ULK4: variants seen among roughly 807,000 people sequenced by gnomAD.
ULK4 encodes the protein unc-51 like kinase 4.
ULK4 carries 133 observed loss-of-function variants against 160.6 expected under a neutral mutation model. The observed-to-expected ratio is 0.83, with a 90% confidence interval of 0.72 to 0.96. The LOEUF (loss-of-function observed/expected upper bound fraction) is 0.96. Among genes scored for constraint, ULK4 ranks in the 40% least tolerant of loss-of-function variants. ULK4 has a pLI of 0.00. For missense variants in ULK4, 1,580 were observed against 1,499.5 expected, an observed-to-expected ratio of 1.05 and a Z score of -0.89; for synonymous variants, 534 against 539.8, an observed-to-expected ratio of 0.99 and a Z score of 0.15.
At chr3:41,850,523 A>T (rs1239561550) in intron 17 of ULK4, among the ~76,000 whole-genome samples, 5 of 151,938 alleles carry the variant, frequency 3.3e-5, no homozygotes, top group Admixed American at 6.6e-5. Flanking sequence ...GTGAGATGGT[A>T]TCTCATTGTG....
At chr3:41,278,615 A>G (rs747817632) in intron 35 of ULK4, among the ~76,000 whole-genome samples, 1 of 152,178 alleles carries the variant, frequency 6.6e-6, no homozygotes, top group Admixed American at 6.5e-5. Context: ...TCAGGTAGCA[A>G]TATTTGCTGC....
chr3:41,777,589 T>A (rs1283270605), intron 21 of ULK4, among the ~76,000 whole-genome samples: 11 of 82,102 alleles, frequency 1.3e-4, no homozygotes, highest in Non-Finnish European at 1.9e-4. Flanking sequence ...TACACACTGC[T>A]TTGAATGCGT....
intron 31 of ULK4, among the ~76,000 whole-genome samples, chr3:41,579,039 T>C (rs556415982): frequency 1.3e-5 from 2 of 152,166 alleles, no homozygotes; most frequent in Non-Finnish European, 2.9e-5. Flanking sequence ...GTAAGACTCA[T>C]CTGAGAAGCA....
chr3:41,449,455 T>C (rs1469575806), intron 34 of ULK4, among the ~76,000 whole-genome samples: 1 of 152,166 alleles, frequency 6.6e-6, no homozygotes, highest in East Asian at 1.9e-4. Flanking sequence ...AGGGGTATCA[T>C]CTTTAAATGG....
At chr3:41,589,701 AAAGT>A (rs1380186213) in intron 31 of ULK4, among the ~76,000 whole-genome samples, 1 of 152,204 alleles carries the variant, frequency 6.6e-6, no homozygotes, top group South Asian at 2.1e-4. Context: ...AAATAATCTA[AAAGT>A]AACTTTATTG....
At chr3:41,504,237 T>C (rs755851927) in intron 32 of ULK4, among the ~76,000 whole-genome samples, 2 of 152,172 alleles carry the variant, frequency 1.3e-5, no homozygotes, top group Non-Finnish European at 2.9e-5. Flanking sequence ...ACATGTCCTA[T>C]CTGCTAACTG....
At position 41,489,797 on chromosome 3, in the gene ULK4, G is replaced by A. The variant is rs543598636; in HGVS notation, c.3227-26544C>T. ...TCAGATGTCACCTCCTACCAGTCTT[G>A]GCTAGTAAAAGTCTAGTTACTAGAT... On this transcript the variant is annotated intron_variant, in intron 32 of 36. Transcript: ENST00000301831. 2.6e-5 allele frequency among the ~76,000 whole-genome samples: 4 copies of A among 151,994 alleles called. No individual in the cohort carries two copies. The South Asian group carries it at 6.2e-4, about 24-fold the overall frequency.
chr3:41,869,060 C>A (rs529057874), intron 17 of ULK4: 2 of 152,188 alleles, frequency 1.3e-5, no homozygotes, highest in South Asian at 4.1e-4. Context: ...TAGTTACAAT[C>A]AATTAGTTGT....
At chr3:41,782,939 A>G (rs1245099669) in intron 21 of ULK4, among the ~76,000 whole-genome samples, 2 of 152,044 alleles carry the variant, frequency 1.3e-5, no homozygotes, top group African/African-American at 2.4e-5. Flanking sequence ...AGTTGCATAA[A>G]TTGACTTAAA....
At chr3:41,908,920 C>T (rs947860428) in intron 11 of ULK4, among the ~76,000 whole-genome samples, 1 of 151,814 alleles carries the variant, frequency 6.6e-6, no homozygotes, top group Non-Finnish European at 1.5e-5. Flanking sequence ...TGGCAAAACC[C>T]CATCCCTACT....
chr3:41,833,390 G>T (rs2041657503), intron 18 of ULK4, among the ~76,000 whole-genome samples: 1 of 151,776 alleles, frequency 6.6e-6, no homozygotes, highest in African/African-American at 2.4e-5. Context: ...CCGCCTCCCG[G>T]GTTCAAGCCC....
chr3:41,435,557 T>C (rs1249063130), intron 34 of ULK4, among the ~76,000 whole-genome samples: 1 of 152,196 alleles, frequency 6.6e-6, no homozygotes, highest in Non-Finnish European at 1.5e-5. Context: ...TGAGAATAAA[T>C]AGTAACTTTG....
At chr3:41,702,235 C>G (rs2036699730) in intron 27 of ULK4, among the ~76,000 whole-genome samples, 1 of 152,156 alleles carries the variant, frequency 6.6e-6, no homozygotes, top group Admixed American at 6.5e-5. Context: ...ACCTCCACCT[C>G]CCAGATTCAA....
chr3:41,723,741 G>A (rs1469259684), intron 22 of ULK4, among the ~76,000 whole-genome samples: 1 of 152,182 alleles, frequency 6.6e-6, no homozygotes, highest in Non-Finnish European at 1.5e-5. Flanking sequence ...AGAAATAGCA[G>A]ACCAAGATTA....
chr3:41,343,790 C>T (rs76899120), intron 35 of ULK4, among the ~76,000 whole-genome samples: 1 of 152,104 alleles, frequency 6.6e-6, no homozygotes, highest in Non-Finnish European at 1.5e-5. Flanking sequence ...ATAGAGCTAA[C>T]AAGAGAAGTG....
chr3:41,849,303 G>C lies in ULK4; in HGVS notation c.1657-13332C>G, dbSNP rs574380068. 8.6e-4 allele frequency among the ~76,000 whole-genome samples: 131 copies of C among 152,272 alleles called. 3 individuals are homozygous for C. In the South Asian group the frequency reaches 0.026, roughly 30 times the overall value. ...AGTAAACTATTGCATCCATATCTTA[G>C]GGTAGAGAAGCATTTGTATAGCAGC... On this transcript the variant is annotated intron_variant, in intron 17 of 36. Coordinates refer to ENST00000301831, the MANE Select transcript of ULK4 (RefSeq NM_017886.4).
At chr3:41,508,253 C>T (rs980387624) in intron 32 of ULK4, among the ~76,000 whole-genome samples, 1 of 152,106 alleles carries the variant, frequency 6.6e-6, no homozygotes. Flanking sequence ...GGGAACCACA[C>T]CCCCACCCCT....
In ULK4 at chr3:41,398,381, T is replaced by A. The variant is rs369263348; in HGVS notation, c.3493-117A>T. 6.7e-5 allele frequency: 64 copies of A among 955,118 alleles called. 1 individual carries two copies. In the Middle Eastern group the frequency reaches 2.2e-3, roughly 33 times the overall value. 59.2% of individuals were successfully genotyped at this position (955,118 alleles called of 1,614,324 possible). On this transcript the variant is annotated intron_variant, in intron 34 of 36. Transcript: ENST00000301831. ...TCAGCCTGAGTAGTCTGCTGAATAC[T>A]TTTTTACTTTTTTTTTTTTTGAGAC...
chr3:41,736,591 A>G (rs1191546304), intron 22 of ULK4, among the ~76,000 whole-genome samples: 1 of 151,796 alleles, frequency 6.6e-6, no homozygotes, highest in Admixed American at 6.6e-5. Context: ...TCTGGATATT[A>G]GCCCTTTGTC....
Sources: allele counts gnomAD v4.1 joint callset (sites outside exome capture counted in the v4.1 genomes callset), GRCh38; gene constraint gnomAD v4.1.1; transcripts MANE v1.5; gene names NCBI Gene and HGNC (gene_info 2026-07-23, HGNC 2026-07-21).